Variants in GIPC2 observed in about 807,000 individuals in gnomAD.
The protein encoded by GIPC2 is PDZ domain-containing protein GIPC2.
A neutral mutation model predicts 30.6 loss-of-function variants in GIPC2; 30 were observed. The ratio of observed to expected loss-of-function variants is 0.98; its 90% CI spans 0.73 to 1.33. The LOEUF (loss-of-function observed/expected upper bound fraction) is 1.33. Ranked by LOEUF, GIPC2 falls within the 40% of genes most tolerant of loss-of-function variation. The pLI is 0.00. For missense variants in GIPC2, 414 were observed against 390.3 expected (o/e 1.06, Z -0.51); for synonymous variants, 167 against 150.0 (o/e 1.11, Z -0.83).
chr1:78,109,518 A>G (rs1353892757), intron 3 of GIPC2, among the ~76,000 whole-genome samples: 1 of 152,170 alleles, frequency 6.6e-6, no homozygotes. Flanking sequence ...TGGTGAAATC[A>G]TTTCACTTTT....
chr1:78,078,377 G>A (rs1283489734), intron 1 of GIPC2, among the ~76,000 whole-genome samples: 1 of 152,124 alleles, frequency 6.6e-6, no homozygotes, highest in Non-Finnish European at 1.5e-5. Context: ...AAGTCATGGA[G>A]CTTTAGTTAC....
At chr1:78,102,351 A>G (rs1204309160) in intron 3 of GIPC2, among the ~76,000 whole-genome samples, 1 of 152,240 alleles carries the variant, frequency 6.6e-6, no homozygotes, top group Non-Finnish European at 1.5e-5. Context: ...TTCAAAGGCT[A>G]AGCCTATTTG....
intron 2 of GIPC2, among the ~76,000 whole-genome samples, chr1:78,086,627 T>G (rs571007456): frequency 9.8e-5 from 15 of 152,294 alleles, no homozygotes; most frequent in African/African-American, 2.9e-4. Flanking sequence ...TGCATATATA[T>G]TTAGGATAGT....
At chr1:78,077,754 C>T (rs1661742208) in intron 1 of GIPC2, among the ~76,000 whole-genome samples, 1 of 152,156 alleles carries the variant, frequency 6.6e-6, no homozygotes, top group Non-Finnish European at 1.5e-5. Flanking sequence ...AATATGGCCA[C>T]TTCACTGTTA....
At chr1:78,048,897 G>T (rs1249902637) in intron 1 of GIPC2, among the ~76,000 whole-genome samples, 1 of 152,092 alleles carries the variant, frequency 6.6e-6, no homozygotes, top group Admixed American at 6.6e-5. Flanking sequence ...TTTATAACCC[G>T]GGTATATGGG....
At chr1:78,048,045 G>A (rs148082735) in intron 1 of GIPC2, among the ~76,000 whole-genome samples, 4 of 152,192 alleles carry the variant, frequency 2.6e-5, no homozygotes, top group Non-Finnish European at 5.9e-5. Flanking sequence ...TTTTGACTTC[G>A]CCATGGATTT....
chr1:78,056,998 T>C (rs1200250261), intron 1 of GIPC2, among the ~76,000 whole-genome samples: 1 of 152,240 alleles, frequency 6.6e-6, no homozygotes, highest in Non-Finnish European at 1.5e-5. Context: ...ATTCCTGTAG[T>C]CTAGTTTGGC....
At chr1:78,078,559 G>A (rs979188996) in intron 1 of GIPC2, among the ~76,000 whole-genome samples, 22 of 152,150 alleles carry the variant, frequency 1.4e-4, no homozygotes, top group Non-Finnish European at 1.6e-4. Context: ...ATGTTATTCT[G>A]CACGGGAGGA....
At chr1:78,097,849 A>G (rs896446457) in intron 3 of GIPC2, among the ~76,000 whole-genome samples, 2 of 152,112 alleles carry the variant, frequency 1.3e-5, no homozygotes, top group Non-Finnish European at 2.9e-5. Flanking sequence ...CTTGGCAATT[A>G]TTTTCTGTTT....
intron 1 of GIPC2, among the ~76,000 whole-genome samples, chr1:78,078,139 G>T (rs1488169096): frequency 8.3e-6 from 1 of 119,872 alleles, no homozygotes; most frequent in African/African-American, 3.3e-5. Flanking sequence ...AGTGAGCCGA[G>T]ATCCCGCCAC....
intron 2 of GIPC2, among the ~76,000 whole-genome samples, chr1:78,082,540 A>T (rs1211820986): frequency 6.6e-6 from 1 of 152,220 alleles, no homozygotes; most frequent in East Asian, 1.9e-4. Flanking sequence ...GACATGAGGC[A>T]CAGGCAGCAG....
intron 3 of GIPC2, among the ~76,000 whole-genome samples, chr1:78,099,988 A>T (rs1000922946): frequency 6.6e-6 from 1 of 152,236 alleles, no homozygotes; most frequent in African/African-American, 2.4e-5. Context: ...CAAGGGCCTT[A>T]TATATGAAGA....
At chr1:78,045,859 G>A (rs955132204), upstream of GIPC2, 14 of 1,313,832 alleles carry the variant, frequency 1.1e-5, no homozygotes, top group African/African-American at 2.2e-4. Context: ...ATAGGATGAG[G>A]GACTACGTAA....
In GIPC2 at chr1:78,113,844, A is replaced by G. The variant is rs188788801; in HGVS notation, c.608-5549A>G. 5.4e-5 allele frequency among the ~76,000 whole-genome samples: 8 copies of G among 148,872 alleles called. No homozygotes were observed. In the East Asian group the frequency reaches 1.6e-3, roughly 30 times the overall value. Reference sequence around the variant, plus strand: ...AAAAATATTTTTTCTAATCTCCTAGAGTCATCTTGCCCATACCTATTTTTT... The same window carrying G: ...AAAAATATTTTTTCTAATCTCCTAGGGTCATCTTGCCCATACCTATTTTTT... On this transcript the variant is annotated intron_variant, in intron 3 of 5. Coordinates refer to ENST00000370759, the MANE Select transcript of GIPC2 (RefSeq NM_017655.6).
At chr1:78,063,612 C>T (rs569586867) in intron 1 of GIPC2, among the ~76,000 whole-genome samples, 28 of 152,058 alleles carry the variant, frequency 1.8e-4, no homozygotes, top group South Asian at 8.3e-4. Flanking sequence ...AGGTTGGGTG[C>T]AGTGGCTCAT....
intron 2 of GIPC2, among the ~76,000 whole-genome samples, chr1:78,082,342 C>T (rs369802277): frequency 1.1e-4 from 17 of 152,340 alleles, no homozygotes; most frequent in African/African-American, 3.8e-4. Context: ...TTTGCTGATG[C>T]ATTGTCACCA....
chr1:78,069,784 A>AT (rs1661584719), intron 1 of GIPC2, among the ~76,000 whole-genome samples: 1 of 152,078 alleles, frequency 6.6e-6, no homozygotes, highest in Non-Finnish European at 1.5e-5. Flanking sequence ...CCTGTAGTAC[A>AT]TTTTTATGAT....
At chr1:78,132,827 C>G (rs1425386363) in intron 5 of GIPC2, among the ~76,000 whole-genome samples, 1 of 151,988 alleles carries the variant, frequency 6.6e-6, no homozygotes, top group Non-Finnish European at 1.5e-5. Context: ...TTTCTTATGT[C>G]TTTTATCTGT....
intron 1 of GIPC2, among the ~76,000 whole-genome samples, chr1:78,077,752 C>T (rs1557534215): frequency 1.1e-4 from 17 of 152,208 alleles, no homozygotes. Context: ...ATAATATGGC[C>T]ACTTCACTGT....
Sources: gnomAD v4.1 joint callset for allele counts (sites outside exome capture counted in the v4.1 genomes callset) on GRCh38, gnomAD v4.1.1 for gene constraint, MANE v1.5 for transcripts, NCBI Gene and HGNC (gene_info 2026-07-23, HGNC 2026-07-21) for gene names.